Variants in CDKL5 observed in about 807,000 individuals in gnomAD.
The protein encoded by CDKL5 is cyclin-dependent kinase-like 5.
A neutral mutation model predicts 61.7 loss-of-function variants in CDKL5; 8 were observed. The observed-to-expected ratio is 0.13, with a 90% CI of 0.08 to 0.23. CDKL5 has a LOEUF of 0.23. Ranked by LOEUF, CDKL5 falls within the 10% of genes least tolerant of loss-of-function variation. The pLI is 1.00. For missense variants in CDKL5, 440 were observed against 734.5 expected, an observed-to-expected ratio of 0.60 and a Z score of 4.63; for synonymous variants, 275 against 272.3, an observed-to-expected ratio of 1.01 and a Z score of -0.10.
intron 1 of CDKL5, among the ~76,000 whole-genome samples, chrX:18,505,997 C>T (rs981656641): frequency 4.4e-5 from 5 of 112,797 alleles, no homozygotes; most frequent in African/African-American, 1.6e-4. Flanking sequence ...CGCAAAAGAG[C>T]TTTCTCTTCT....
chrX:18,608,027 G>A (rs1427483504), intron 12 of CDKL5, among the ~76,000 whole-genome samples: 1 of 111,777 alleles, frequency 8.9e-6, no homozygotes, highest in Non-Finnish European at 1.9e-5. Context: ...ACGATGCAGC[G>A]AACTCCTTCT....
chrX:18,435,005 A>G (rs748545242), intron 1 of CDKL5, among the ~76,000 whole-genome samples: 20 of 112,459 alleles, frequency 1.8e-4, no homozygotes, highest in Non-Finnish European at 3.4e-4. Context: ...TGATAATTAA[A>G]GTAAACATAT....
In CDKL5 at chrX:18,646,068, G is replaced by A. The variant is rs2147192682; in HGVS notation, c.2775G>A (p.Met925Ile). The change falls in exon 20 of 22, where the codon ATG becomes ATA. Residue 925 changes from methionine (M) to isoleucine (I), a missense_variant. By Grantham distance (10) the Met-to-Ile change is conservative. Coordinates refer to the CDKL5 transcript ENST00000379989. ...CTGGACCCCAAGATAGACGCTTCAT[G>A]TTAAGGACGACAGAACAACAAGGTA... The A allele has an allele frequency of 8.3e-7, 1 of 1,210,260 alleles. No homozygotes were observed. The highest frequency in any genetic ancestry group is 1.1e-6 in the Non-Finnish European group (1 of 895,267).
intron 5 of CDKL5, among the ~76,000 whole-genome samples, chrX:18,577,548 A>G (rs184124940): frequency 1.8e-5 from 2 of 112,503 alleles, no homozygotes; most frequent in East Asian, 2.8e-4. Flanking sequence ...GTAGGGCAGT[A>G]CAGGACTAGT....
chrX:18,581,783 A>G, intron 6 of CDKL5, 108 bp from the exon 7 acceptor site: 1 of 492,624 alleles, frequency 2.0e-6, no homozygotes, highest in Admixed American at 3.4e-5. Context: ...TTTTCTATTC[A>G]AATTACTCTA....
intron 7 of CDKL5, among the ~76,000 whole-genome samples, chrX:18,582,372 C>T (rs745651385): frequency 1.8e-5 from 2 of 111,030 alleles, no homozygotes; most frequent in East Asian, 5.6e-4. Flanking sequence ...TCATTTGTTC[C>T]CTCTAAATGT....
intron 1 of CDKL5, among the ~76,000 whole-genome samples, chrX:18,494,414 A>AT (rs1202848053): frequency 9.1e-6 from 1 of 109,990 alleles, no homozygotes; most frequent in Non-Finnish European, 1.9e-5. Flanking sequence ...TACCCCGTTA[A>AT]TTTTTTGTAT....
At position 18,592,929 on chromosome X, in the gene CDKL5, G is replaced by A. The variant is rs568332564; in HGVS notation, c.745-2419G>A. On this transcript the variant is annotated intron_variant, in intron 9 of 17. Coordinates refer to ENST00000623535, the MANE Select transcript of CDKL5 (RefSeq NM_001323289.2). ...TAACAATTGATGCCCCATAGTATAG[G>A]GCCTAGGCTCTGGAGTTAGATTGCT... Among the ~76,000 whole-genome samples, 6 of 111,757 alleles carry A rather than the reference G, an allele frequency of 5.4e-5. No homozygotes were observed. The South Asian group carries it at 1.1e-3, about 21-fold the overall frequency.
chrX:18,570,648 C>T (rs1925108157), intron 4 of CDKL5, among the ~76,000 whole-genome samples: 2 of 111,714 alleles, frequency 1.8e-5, no homozygotes. Flanking sequence ...TTTGTGATTT[C>T]ACAAAGTAGG....
chrX:18,573,387 C>T (rs1170393417), intron 4 of CDKL5, among the ~76,000 whole-genome samples: 3 of 112,120 alleles, frequency 2.7e-5, no homozygotes, highest in Non-Finnish European at 5.6e-5. Context: ...GATCTTGCTT[C>T]TTTAGGAAAC....
chrX:18,548,673 C>T (rs942533173), intron 3 of CDKL5, among the ~76,000 whole-genome samples: 5 of 112,192 alleles, frequency 4.5e-5, no homozygotes, highest in South Asian at 3.7e-4. Context: ...GATAACCCAG[C>T]GCAGTGCTTG....
At chrX:18,588,344 T>C in intron 9 of CDKL5, 1 of 354,537 alleles carries the variant, frequency 2.8e-6, no homozygotes, top group East Asian at 4.7e-5. Flanking sequence ...ATTCAAATTC[T>C]AATCTTTTTT....
At chrX:18,644,105 G>A (rs1804312502), downstream of CDKL5, among the ~76,000 whole-genome samples, 1 of 111,910 alleles carries the variant, frequency 8.9e-6, no homozygotes, top group South Asian at 3.7e-4. Context: ...GACCATACCC[G>A]TGAAGCAAAG....
chrX:18,476,707 C>CTTTCAATT (rs1022316263), intron 1 of CDKL5, among the ~76,000 whole-genome samples: 8 of 112,288 alleles, frequency 7.1e-5, no homozygotes, highest in Non-Finnish European at 1.5e-4. Context: ...TATCTTTATC[C>CTTTCAATT]TTTCAATTTC....
In CDKL5 at chrX:18,504,073, T is replaced by A. The variant is rs149783579; in HGVS notation, c.-162-2862T>A. Among the ~76,000 whole-genome samples the A allele has an allele frequency of 4.4e-4, 49 of 110,342 alleles. 1 individual carries two copies. The Admixed American group carries it at 4.4e-3, about 10-fold the overall frequency. On this transcript the variant is annotated intron_variant, in intron 1 of 17. Coordinates refer to ENST00000623535, the MANE Select transcript of CDKL5 (RefSeq NM_001323289.2). Reference sequence around the variant, plus strand: ...CTGGCTAGGATGTTTAATACTAATGTTAATAAGTATTAATAGTAGAACTCC... The same window carrying A: ...CTGGCTAGGATGTTTAATACTAATGATAATAAGTATTAATAGTAGAACTCC...
At chrX:18,463,822 T>C (rs762707320) in intron 1 of CDKL5, among the ~76,000 whole-genome samples, 21 of 111,756 alleles carry the variant, frequency 1.9e-4, no homozygotes, top group Non-Finnish European at 3.6e-4. Context: ...CAAGAACTAA[T>C]TAATATTGGG....
At chrX:18,590,112 CT>C (rs1925780848) in intron 9 of CDKL5, among the ~76,000 whole-genome samples, 1 of 111,139 alleles carries the variant, frequency 9.0e-6, no homozygotes, top group Non-Finnish European at 1.9e-5. Context: ...ATGGTATTTT[CT>C]TTTGCTGTGC....
At chrX:18,537,573 A>G (rs1923888472) in intron 3 of CDKL5, among the ~76,000 whole-genome samples, 1 of 111,723 alleles carries the variant, frequency 9.0e-6, no homozygotes. Flanking sequence ...ACTTGTGTAG[A>G]TTCACATGTC....
At chrX:18,444,565 C>T (rs991098041) in intron 1 of CDKL5, among the ~76,000 whole-genome samples, 4 of 111,943 alleles carry the variant, frequency 3.6e-5, no homozygotes, top group Non-Finnish European at 7.5e-5. Flanking sequence ...ATCCTCCCAC[C>T]TTGGTCCCCC....
Sources: gnomAD v4.1 joint callset for allele counts (sites outside exome capture counted in the v4.1 genomes callset) on GRCh38, gnomAD v4.1.1 for gene constraint, MANE v1.5 for transcripts, NCBI Gene and HGNC (gene_info 2026-07-23, HGNC 2026-07-21) for gene names.